PRKCD: variants seen among roughly 807,000 people sequenced by gnomAD.
PRKCD encodes the protein protein kinase C delta type.
A neutral mutation model predicts 82.2 loss-of-function variants in PRKCD; 20 were observed. The observed-to-expected ratio is 0.24, with a 90% confidence interval of 0.17 to 0.35. The LOEUF (loss-of-function observed/expected upper bound fraction) is 0.35. PRKCD is among the 10% of genes least tolerant of loss of function. The pLI, the probability that PRKCD is intolerant of heterozygous loss-of-function variation, is 1.00. For missense variants in PRKCD, 607 were observed against 899.0 expected, an observed-to-expected ratio of 0.68 and a Z score of 4.15; for synonymous variants, 317 against 337.0, an observed-to-expected ratio of 0.94 and a Z score of 0.65.
At chr3:53,177,946 C>CTT (rs55779744) in intron 2 of PRKCD, among the ~76,000 whole-genome samples, 153 of 135,052 alleles carry the variant, frequency 1.1e-3, no homozygotes, top group Non-Finnish European at 1.6e-3. Context: ...TTTTCTTTTT[C>CTT]TTTTTTTTTT....
At chr3:53,186,729 G>A (rs1553669253) in intron 14 of PRKCD, 34 bp downstream of exon 14, 1 of 1,565,724 alleles carries the variant, frequency 6.4e-7, no homozygotes, top group Non-Finnish European at 8.7e-7. Context: ...AGGGCCCAGT[G>A]TGGAGGAAGG....
chr3:53,182,162 G>T (rs369315554), intron 7 of PRKCD, among the ~76,000 whole-genome samples: 1 of 152,160 alleles, frequency 6.6e-6, no homozygotes, highest in Non-Finnish European at 1.5e-5. Context: ...ACGAGGCGCC[G>T]CAGGCTGGAG....
rs1702964052 is a variant in PRKCD, at chr3:53,169,990, C to A, written c.-20+4775C>A. 1.3e-5 allele frequency among the ~76,000 whole-genome samples: 2 copies of A among 152,214 alleles called. No homozygotes were observed. The highest frequency in any genetic ancestry group is 4.8e-5 in the African/African-American group (2 of 41,440). On this transcript the variant is annotated intron_variant, in intron 2 of 18. Coordinates refer to ENST00000330452, the MANE Select transcript of PRKCD (RefSeq NM_006254.4). This position sits in a 1 kb window ranked among gnomAD's most constrained non-coding sequence, Gnocchi z 4.7. ...CCATGCGGGATGGTCCTGCCTCTCTCCCAGCTTTCTCAATATCCCCAAAGT... is the reference window on the plus strand; with the variant it reads ...CCATGCGGGATGGTCCTGCCTCTCTACCAGCTTTCTCAATATCCCCAAAGT...
chr3:53,187,329 C>T lies in PRKCD; in HGVS notation c.1353-11C>T, dbSNP rs1328960650. On this transcript the variant is annotated splice_polypyrimidine_tract_variant and intron_variant, in intron 14 of 18. Transcript: ENST00000330452. ...AGATCCCGGAACACTTTATCCCTCT[C>T]TCTTGCCCAGGTTTTATGCCGCTGA... 2.5e-6 allele frequency: 4 copies of T among 1,614,050 alleles called. No homozygotes were observed. The highest frequency in any genetic ancestry group is 3.4e-6 in the Non-Finnish European group (4 of 1,180,028).
intron 2 of PRKCD, among the ~76,000 whole-genome samples, chr3:53,170,220 A>G (rs1288568654): frequency 6.6e-6 from 1 of 152,134 alleles, no homozygotes; most frequent in Non-Finnish European, 1.5e-5. Flanking sequence ...CCCATCTCCA[A>G]ACACATACCC....
Position 53,179,692 on chromosome 3 carries a change from A to G in PRKCD, c.231A>G (p.Ala77=). ...RVIQIVLMRA[A]EEPVSEVTVG... ...TCCAGATTGTGCTAATGCGGGCAGC[A>G]GAGGAGCCAGTGTCTGAGGTGACCG... The change falls in exon 4 of 19, where the codon GCA becomes GCG. Residue 77 remains alanine, a synonymous_variant. Transcript: ENST00000330452. 6.2e-7 allele frequency: 1 copy of G among 1,610,670 alleles called. No individual in the cohort carries two copies. The highest frequency in any genetic ancestry group is 8.5e-7 in the Non-Finnish European group (1 of 1,178,192).
chr3:53,179,848 G>A, intron 4 of PRKCD, 72 bp downstream of exon 4: 1 of 1,525,350 alleles, frequency 6.6e-7, no homozygotes, highest in Non-Finnish European at 8.8e-7. Flanking sequence ...GTGCATGTGT[G>A]TGCGTGCACA....
At chr3:53,162,728 C>CT (rs1702715122) in intron 1 of PRKCD, among the ~76,000 whole-genome samples, 1 of 145,298 alleles carries the variant, frequency 6.9e-6, no homozygotes, top group Non-Finnish European at 1.5e-5. Flanking sequence ...GTGTCCTTGC[C>CT]TGCTAGTGTG....
At position 53,183,195 on chromosome 3, in the gene PRKCD, C is replaced by A; in HGVS notation, c.646C>A (p.Arg216=). Residue 216 remains arginine, a synonymous_variant, in exon 8 of 19, where the codon CGG becomes AGG. Coordinates refer to ENST00000330452, the MANE Select transcript of PRKCD (RefSeq NM_006254.4). ...ATGCACTGGCACCGCGGCCAACAGC[C>A]GGGACACTATAGTGAGCCTGGGTCC... ...GRCTGTAANS[R]DTIFQKERFN... 1 of 1,614,118 alleles carries A rather than the reference C, an allele frequency of 6.2e-7. No individual in the cohort carries two copies. Among genetic ancestry groups the A allele is most frequent in the South Asian group, 1.1e-5 (1 of 91,076 alleles).
At chr3:53,174,235 C>T (rs559477958) in intron 2 of PRKCD, among the ~76,000 whole-genome samples, 1 of 152,352 alleles carries the variant, frequency 6.6e-6, no homozygotes, top group East Asian at 1.9e-4. Context: ...AGATTCATAC[C>T]TAGACACTGA....
intron 3 of PRKCD, 157 bp from the exon 4 acceptor site, chr3:53,179,420 C>T (rs782514318): frequency 1.1e-6 from 1 of 919,184 alleles, no homozygotes; most frequent in South Asian, 1.3e-5. Flanking sequence ...TAGCAGGGTG[C>T]CCAAGGTAGT....
At chr3:53,182,589 A>G (rs1703487356) in intron 7 of PRKCD, among the ~76,000 whole-genome samples, 1 of 152,192 alleles carries the variant, frequency 6.6e-6, no homozygotes, top group Non-Finnish European at 1.5e-5. Flanking sequence ...AATTAGATAT[A>G]ACTATAATGT....
chr3:53,184,796 C>A, intron 9 of PRKCD, 78 bp from the exon 10 acceptor site: 2 of 1,244,942 alleles, frequency 1.6e-6, no homozygotes, highest in Non-Finnish European at 2.4e-6. Flanking sequence ...TTCTCTTGCT[C>A]TCCTGCGCCT....
intron 1 of PRKCD, among the ~76,000 whole-genome samples, chr3:53,163,456 T>C (rs781953834): frequency 4.0e-5 from 6 of 151,778 alleles, no homozygotes; most frequent in Non-Finnish European, 5.9e-5. Context: ...GTCTTGGGGT[T>C]TGTAGTGTTG....
intron 18 of PRKCD, among the ~76,000 whole-genome samples, chr3:53,191,178 G>A (rs1403203897): frequency 6.6e-6 from 1 of 152,170 alleles, no homozygotes; most frequent in Non-Finnish European, 1.5e-5. Flanking sequence ...GAGGCAGGCA[G>A]ATCACCTGAG....
Position 53,185,035 on chromosome 3 carries a change from T to G in PRKCD, c.888+61T>G, listed in dbSNP as rs111525461. ...AGTGGGGTCAGGGACAGTCAAGGCT[T>G]ACAGCCACTGCTGGGGAGCCACAGA... is the stretch of plus-strand genomic sequence containing the variant. On this transcript the variant is annotated intron_variant, in intron 10 of 18. Transcript: ENST00000330452. 408 of 1,449,154 alleles carry G rather than the reference T, an allele frequency of 2.8e-4. 1 individual carries two copies. The Middle Eastern group carries it at 5.9e-3, about 21-fold the overall frequency. The allele number at this position is 1,449,154 out of a possible 1,614,324, so 89.8% of individuals were successfully genotyped here. A position where few individuals can be genotyped will look rare whatever the true frequency, so the allele number is the denominator to read the frequency against.
At chr3:53,185,473 G>C (rs782717772) in intron 10 of PRKCD, 131 bp from the exon 11 acceptor site, 3 of 738,224 alleles carry the variant, frequency 4.1e-6, no homozygotes, top group Non-Finnish European at 6.9e-6. Context: ...CCCGAGTAGG[G>C]GGCCTGGGCT....
chr3:53,164,848 C>G (rs535278561), intron 1 of PRKCD, among the ~76,000 whole-genome samples: 1 of 152,298 alleles, frequency 6.6e-6, no homozygotes, highest in African/African-American at 2.4e-5. Context: ...TATTGGCTTC[C>G]TCACCAGGCT....
At chr3:53,181,924 G>A (rs782173683) in intron 7 of PRKCD, 192 bp downstream of exon 7, 21 of 821,286 alleles carry the variant, frequency 2.6e-5, no homozygotes, top group Middle Eastern at 2.2e-4. Context: ...CCAGTTCTGC[G>A]CATCTCTTCC....
Sources: gnomAD v4.1 joint callset for allele counts (sites outside exome capture counted in the v4.1 genomes callset) on GRCh38, gnomAD v4.1.1 for gene constraint, Gnocchi (gnomAD v3.1) non-coding constraint, MANE v1.5 for transcripts, NCBI Gene and HGNC (gene_info 2026-07-23, HGNC 2026-07-21) for gene names.